ADGRA1: variants seen among roughly 807,000 people sequenced by gnomAD.
ADGRA1 encodes G-protein coupled receptor 123.
A neutral mutation model predicts 21.3 loss-of-function variants in ADGRA1; 12 were observed. The observed-to-expected ratio is 0.56, with a 90% CI of 0.36 to 0.91. The LOEUF (loss-of-function observed/expected upper bound fraction) is 0.91. ADGRA1 is among the 40% of genes least tolerant of loss of function. The pLI is 0.01. For synonymous variants in ADGRA1, 385 were observed against 368.8 expected, an observed-to-expected ratio of 1.04 and a Z score of -0.50; for missense variants, 790 against 805.6, an observed-to-expected ratio of 0.98 and a Z score of 0.23.
intron 5 of ADGRA1, among the ~76,000 whole-genome samples, chr10:133,124,182 A>G (rs1406578994): frequency 7.4e-6 from 1 of 135,868 alleles, no homozygotes; most frequent in East Asian, 2.1e-4. Context: ...CGGCCAGGCC[A>G]CCCTCTTGGG....
Position 133,128,928 on chromosome 10 carries a change from T to C in ADGRA1, c.1100T>C (p.Leu367Pro). The change falls in exon 7 of 7, where the codon CTG becomes CCG. Residue 367 changes from leucine (L) to proline (P), a missense_variant. Leu to Pro is a moderately conservative substitution (Grantham distance 98, BLOSUM62 -3). Transcript: ENST00000392607. ...CCGGGCCCCTGCAAGATGACCAACC[T>C]GCAGGCCGCGCAGGGCCACGCCAGT... is the stretch of plus-strand genomic sequence containing the variant. ...HPPGPCKMTN[L>P]QAAQGHASCL... The C allele has an allele frequency of 6.4e-7, 1 of 1,557,016 alleles. No homozygotes were observed. The highest frequency in any genetic ancestry group is 8.7e-7 in the Non-Finnish European group (1 of 1,154,384).
chr10:133,118,589 G>C (rs1852198470), intron 5 of ADGRA1, among the ~76,000 whole-genome samples: 1 of 152,112 alleles, frequency 6.6e-6, no homozygotes, highest in African/African-American at 2.4e-5. Context: ...AAGAGTGAAG[G>C]GGGAAGAGCC....
chr10:133,113,121 G>A (rs1243119099), intron 5 of ADGRA1, among the ~76,000 whole-genome samples: 1 of 147,472 alleles, frequency 6.8e-6, no homozygotes, highest in Admixed American at 6.8e-5. Context: ...AAGCTGTGTC[G>A]GTTATTTGAG....
At chr10:133,092,846 A>AAGGAAGGAAGGAAGGAAGGAAGGG (rs1851623873) in intron 2 of ADGRA1, among the ~76,000 whole-genome samples, 18 of 148,300 alleles carry the variant, frequency 1.2e-4, no homozygotes, top group Admixed American at 3.3e-4. Flanking sequence ...GGAGGGAAGG[A>AAGGAAGGAAGGAAGGAAGGAAGGG]AGGAAGGAAG....
rs1852444611 is a variant in ADGRA1, at chr10:133,128,885, C to T, written c.1057C>T (p.Arg353Trp). The T allele has an allele frequency of 3.8e-6, 6 of 1,561,964 alleles. No individual in the cohort carries two copies. Among genetic ancestry groups the T allele is most frequent in the South Asian group, 2.3e-5 (2 of 86,530 alleles). ...CLHSPGLGQP[R>W]GFAHPPGPCK... ...GCACTCGCCGGGACTGGGCCAGCCA[C>T]GGGGCTTCGCGCACCCACCGGGCCC... The change falls in exon 7 of 7, where the codon CGG (arginine) becomes TGG (tryptophan). Residue 353 changes from arginine to tryptophan, a missense_variant. Arg to Trp is a moderately radical substitution (Grantham distance 101). Around this residue, in one of 3 missense-constraint regions of ADGRA1, gnomAD observed 391 missense variants for 351.5 expected, o/e 1.11. Transcript: ENST00000392607.
At position 133,128,397 on chromosome 10, in the gene ADGRA1, C is replaced by T. The variant is rs574078633; in HGVS notation, c.569C>T (p.Thr190Ile). Residue 190 changes from threonine (T) to isoleucine (I), a missense_variant, in exon 7 of 7, where the codon ACC becomes ATC. This residue lies in a region of ADGRA1 where 382 missense variants were observed against 415.6 expected (regional missense o/e 0.92). Coordinates refer to ENST00000392607, the MANE Select transcript of ADGRA1 (RefSeq NM_001083909.3). ...YGPAAIITLV[T>I]CVYFLGTYVQ... Reference sequence around the variant, plus strand: ...CCAGCCGCCATCATCACCCTGGTCACCTGTGTGTACTTCCTGGGCACCTAC... The same window carrying T: ...CCAGCCGCCATCATCACCCTGGTCATCTGTGTGTACTTCCTGGGCACCTAC... The T allele has an allele frequency of 1.2e-6, 2 of 1,605,142 alleles. No individual in the cohort carries two copies. The highest frequency in any genetic ancestry group is 1.7e-5 in the Admixed American group (1 of 58,956).
rs1408031756 is a variant in ADGRA1, at chr10:133,128,505, G to A, written c.677G>A (p.Gly226Asp). The A allele has an allele frequency of 6.5e-7, 1 of 1,549,874 alleles. No individual in the cohort carries two copies. The highest frequency in any genetic ancestry group is 1.4e-5 in the African/African-American group (1 of 72,964). ...EEQRRLATPEGGRGIRPGTPP... is the reference protein window; with the variant it reads ...EEQRRLATPEDGRGIRPGTPP... ...CAGCGGCGGCTGGCGACACCCGAGG[G>A]CGGCCGTGGGATCCGGCCAGGCACC... is the stretch of plus-strand genomic sequence containing the variant. The change falls in exon 7 of 7, where the codon GGC becomes GAC. Residue 226 changes from glycine to aspartate, a missense_variant. Gly to Asp is a moderately conservative substitution (Grantham distance 94). Around this residue, in one of 3 missense-constraint regions of ADGRA1, gnomAD observed 382 missense variants for 415.6 expected, o/e 0.92. Transcript: ENST00000392607.
At position 133,129,441 on chromosome 10, in the gene ADGRA1, G is replaced by A. The variant is rs375311146; in HGVS notation, c.1613G>A (p.Gly538Asp). 4 of 1,602,942 alleles carry A rather than the reference G, an allele frequency of 2.5e-6. No individual in the cohort carries two copies. The highest frequency in any genetic ancestry group is 3.4e-6 in the Non-Finnish European group (4 of 1,179,902). The part of the protein sequence containing the change: ...NGLPKGKLLE[G>D]LPFGTDGTGN... ...CTGCCCAAGGGTAAATTGCTAGAAG[G>A]CCTGCCGTTTGGCACCGACGGGACC... is the stretch of plus-strand genomic sequence containing the variant. The change falls in exon 7 of 7, where the codon GGC becomes GAC. Residue 538 changes from glycine (G) to aspartate (D), a missense_variant. Physicochemically the swap from Gly to Asp is moderately conservative, Grantham distance 94. This residue lies in a region of ADGRA1 where 391 missense variants were observed against 351.5 expected (regional missense o/e 1.11). Transcript: ENST00000392607.
rs1852475627 is a variant in ADGRA1 at position 133,129,702 on chromosome 10, CACCCCTGCCCCTTCCTTGTG to C, written c.*193_*212del. On this transcript the variant is annotated 3_prime_UTR_variant, in exon 7 of 7. Coordinates refer to ENST00000392607, the MANE Select transcript of ADGRA1 (RefSeq NM_001083909.3). ...CACCCCTGCCCCTTCCTTGTGATCA[CACCCCTGCCCCTTCCTTGTG>C]AAAGACCTCAGCGGGGAAACGCTCC... 2.6e-6 allele frequency: 1 copy of C among 380,736 alleles called. No homozygotes were observed. The allele number at this position is 380,736 out of a possible 1,614,324, so 23.6% of individuals were successfully genotyped here. A position where few individuals can be genotyped will look rare whatever the true frequency, so the allele number is the denominator to read the frequency against.
At chr10:133,112,737 A>T (rs370243305) in intron 5 of ADGRA1, among the ~76,000 whole-genome samples, 1 of 81,204 alleles carries the variant, frequency 1.2e-5, no homozygotes, top group African/African-American at 4.8e-5. Flanking sequence ...CGGTTATTTG[A>T]GGTCTGCGGG....
rs200018332 is a variant in ADGRA1 at position 133,129,346 on chromosome 10, C to T, written c.1518C>T (p.Leu506=). 2.2e-5 allele frequency: 35 copies of T among 1,581,312 alleles called. No homozygotes were observed. In the East Asian group the frequency reaches 4.0e-4, roughly 18 times the overall value. The part of the protein sequence containing the change: ...CPTQPGREAA[L]GPGHLEMLRR... ...CGCAGCCGGGCAGGGAGGCAGCGCT[C>T]GGGCCCGGCCACTTGGAGATGCTGC... The change falls in exon 7 of 7, where the codon CTC becomes CTT. Residue 506 remains leucine, a synonymous_variant. Transcript: ENST00000392607.
At chr10:133,094,434 G>A (rs1299442919) in intron 2 of ADGRA1, among the ~76,000 whole-genome samples, 1 of 152,174 alleles carries the variant, frequency 6.6e-6, no homozygotes, top group Admixed American at 6.5e-5. Context: ...CTGCGCCTCC[G>A]CCCACAGTGG....
rs4838795 is a variant in ADGRA1, at chr10:133,098,530, C to T, written c.132-110C>T. 7.0e-4 allele frequency: 955 copies of T among 1,360,446 alleles called. 9 individuals carry two copies. The South Asian group carries it at 8.1e-3, about 12-fold the overall frequency. 84.3% of individuals were successfully genotyped at this position (1,360,446 alleles called of 1,614,324 possible). ...CCTCGGACAGCTGCCCCTGACCCCA[C>T]GGAGAGCCCGGACTTCCCGGGGACA... is the stretch of plus-strand genomic sequence containing the variant. On this transcript the variant is annotated intron_variant, in intron 3 of 6. Coordinates refer to ENST00000392607, the MANE Select transcript of ADGRA1 (RefSeq NM_001083909.3).
intron 5 of ADGRA1, among the ~76,000 whole-genome samples, chr10:133,110,137 G>A (rs761808789): frequency 3.9e-5 from 6 of 152,212 alleles, no homozygotes; most frequent in South Asian, 2.1e-4. Flanking sequence ...TCCAGGTGCC[G>A]TCTCCAAAGT....
At position 133,098,762 on chromosome 10, in the gene ADGRA1, C is replaced by T. The variant is rs1410855229; in HGVS notation, c.254C>T (p.Ala85Val). ...ACCAAGTACCCCATCCTGTGCCAGG[C>T]GGTGAGTGCCGGGGCGCCCTCGTTG... ...NRTKYPILCQAVGIVLHYSTL... is the reference protein window; with the variant it reads ...NRTKYPILCQVVGIVLHYSTL... Residue 85 changes from alanine to valine, a missense_variant and splice_region_variant, in exon 4 of 7, where the codon GCG (alanine) becomes GTG (valine). This residue lies in a region of ADGRA1 where 382 missense variants were observed against 415.6 expected (regional missense o/e 0.92). Coordinates refer to ENST00000392607, the MANE Select transcript of ADGRA1 (RefSeq NM_001083909.3). 9.3e-6 allele frequency: 15 copies of T among 1,610,194 alleles called. 1 individual carries two copies. Among genetic ancestry groups the T allele is most frequent in the East Asian group, 2.2e-5 (1 of 44,882 alleles).
At chr10:133,088,313 G>C (rs1011362609) in intron 1 of ADGRA1, 175 bp downstream of exon 1, 1 of 180,200 alleles carries the variant, frequency 5.5e-6, no homozygotes, top group Admixed American at 6.6e-5. Flanking sequence ...CCGCGCGCCC[G>C]GCCCGGAGCT....
At position 133,093,293 on chromosome 10, in the gene ADGRA1, G is replaced by T. The variant is rs1034547013; in HGVS notation, c.4-3681G>T. ...TGATCAGAAAATTCACACATAACTT[G>T]ACCGACTGCTTCCTTCTCATCTTTC... On this transcript the variant is annotated intron_variant, in intron 2 of 6. Coordinates refer to ENST00000392607, the MANE Select transcript of ADGRA1 (RefSeq NM_001083909.3). 1.9e-6 allele frequency: 3 copies of T among 1,552,502 alleles called. No homozygotes were observed. In the South Asian group the frequency reaches 3.5e-5, roughly 18 times the overall value.
intron 5 of ADGRA1, among the ~76,000 whole-genome samples, chr10:133,104,611 C>T (rs1055093915): frequency 1.8e-4 from 27 of 152,182 alleles, no homozygotes; most frequent in Non-Finnish European, 3.2e-4. Context: ...CCTCCACCCC[C>T]TGCCCTCTGG....
intron 5 of ADGRA1, among the ~76,000 whole-genome samples, chr10:133,112,674 GGTTATTTGGGGTCTACGGGCCACGTCA>G (rs1852070837): frequency 2.3e-5 from 3 of 130,910 alleles, no homozygotes; most frequent in Non-Finnish European, 3.2e-5. Context: ...GGGCCATGTC[GGTTATTTGGGGTCTACGGGCCACGTCA>G]GTTATTTGGG....
Sources: gnomAD v4.1 joint callset for allele counts (sites outside exome capture counted in the v4.1 genomes callset) on GRCh38, gnomAD v4.1.1 for gene constraint, gnomAD v4.1.1 regional missense constraint, MANE v1.5 for transcripts, NCBI Gene and HGNC (gene_info 2026-07-23, HGNC 2026-07-21) for gene names.